Variants in TRIM25 observed in about 807,000 individuals in gnomAD.
The protein encoded by TRIM25 is tripartite motif containing 25.
A neutral mutation model predicts 65.2 loss-of-function variants in TRIM25; 45 were observed. The ratio of observed to expected loss-of-function variants is 0.69; its 90% CI spans 0.54 to 0.89. The LOEUF (loss-of-function observed/expected upper bound fraction) is 0.89, where lower values mean the gene tolerates loss of function less well. Among genes scored for constraint, TRIM25 ranks in the 40% least tolerant of loss-of-function variants. The pLI, the probability that TRIM25 is intolerant of heterozygous loss-of-function variation, is 0.00. For synonymous variants in TRIM25, 321 were observed against 340.4 expected (o/e 0.94, Z 0.63); for missense variants, 714 against 803.7 (o/e 0.89, Z 1.35).
chr17:56,891,578 CCT>C lies in TRIM25; in HGVS notation c.*120_*121del. 1.9e-6 allele frequency: 2 copies of C among 1,072,898 alleles called. No individual in the cohort carries two copies. The highest frequency in any genetic ancestry group is 1.6e-5 in the African/African-American group (1 of 62,604). The allele number at this position is 1,072,898 out of a possible 1,614,324, so 66.5% of individuals were successfully genotyped here. The stretch of plus-strand genomic sequence containing the variant: ...CACCTCCCACCCTCCCGCCAGCTCC[CCT>C]CCCATGCTCCCAATCCTTGGGACCT... On this transcript the variant is annotated 3_prime_UTR_variant, in exon 9 of 9. Coordinates refer to ENST00000316881, the MANE Select transcript of TRIM25 (RefSeq NM_005082.5).
chr17:56,910,682 G>A lies in TRIM25; in HGVS notation c.598-2119C>T, dbSNP rs373446509. Among the ~76,000 whole-genome samples, 9 of 152,308 alleles carry A rather than the reference G, an allele frequency of 5.9e-5. 1 individual carries two copies. Among genetic ancestry groups the A allele is most frequent in the East Asian group, 1.9e-4 (1 of 5,192 alleles). ...AAGTGACCCAAAAACTTTGGTAGCA[G>A]CAATAATCCCCTAATCAAAGGCAAA... On this transcript the variant is annotated intron_variant, in intron 1 of 8. Coordinates refer to ENST00000316881, the MANE Select transcript of TRIM25 (RefSeq NM_005082.5).
intron 2 of TRIM25, 118 bp downstream of exon 2, chr17:56,908,350 C>T (rs192444661): frequency 2.0e-6 from 2 of 980,264 alleles, no homozygotes; most frequent in Middle Eastern, 3.1e-4. Flanking sequence ...GATGTTTCAT[C>T]CTGACACTGT....
rs1021226052 is a variant in TRIM25 at position 56,888,368 on chromosome 17, G to A, written c.*3332C>T. 3 of 152,176 alleles carry A rather than the reference G, an allele frequency of 2.0e-5. No homozygotes were observed. The highest frequency in any genetic ancestry group is 4.4e-5 in the Non-Finnish European group (3 of 68,060). 9.4% of individuals were successfully genotyped at this position (152,176 alleles called of 1,614,324 possible). On this transcript the variant is annotated 3_prime_UTR_variant, in exon 9 of 9. Transcript: ENST00000316881. ...CTGAAAGTCTCCCTCCCAGGAAGCA[G>A]GGACAAAGGCCAGTTCAATTCTTTA... is the stretch of plus-strand genomic sequence containing the variant.
intron 8 of TRIM25, among the ~76,000 whole-genome samples, chr17:56,893,364 A>C (rs1286250385): frequency 6.6e-6 from 1 of 152,182 alleles, no homozygotes. Flanking sequence ...GCTGCCACAG[A>C]GTGCACAGCA....
At chr17:56,900,466 A>C (rs1256234921) in intron 4 of TRIM25, among the ~76,000 whole-genome samples, 1 of 152,220 alleles carries the variant, frequency 6.6e-6, no homozygotes, top group Non-Finnish European at 1.5e-5. Context: ...CCCAAGGAAG[A>C]ATGCGATACT....
chr17:56,910,194 C>T (rs1010333422), intron 1 of TRIM25, among the ~76,000 whole-genome samples: 1 of 152,162 alleles, frequency 6.6e-6, no homozygotes, highest in Non-Finnish European at 1.5e-5. Context: ...CTAGCAGGCT[C>T]AACATACTCT....
chr17:56,893,817 C>T (rs551776393), intron 8 of TRIM25, among the ~76,000 whole-genome samples: 1 of 152,248 alleles, frequency 6.6e-6, no homozygotes, highest in South Asian at 2.1e-4. Context: ...AGGAGGAATG[C>T]CACTGACAGG....
At position 56,913,971 on chromosome 17, in the gene TRIM25, G is replaced by T. The variant is rs770341513; in HGVS notation, c.18C>A (p.Pro6=). The stretch of plus-strand genomic sequence containing the variant: ...TGGAGCACGACAGCTCCTCGGCCAG[G>T]GGGCACAGCTCTGCCATGGCGCTCC... MAELC[P]LAEELSCSIC... Residue 6 remains proline, a synonymous_variant, in exon 1 of 9, where the codon CCC becomes CCA. Transcript: ENST00000316881. This position sits in a 1 kb window ranked among gnomAD's most constrained non-coding sequence, Gnocchi z 6.1. The T allele has an allele frequency of 5.7e-6, 9 of 1,573,192 alleles. No individual in the cohort carries two copies. The highest frequency in any genetic ancestry group is 4.6e-5 in the South Asian group (4 of 86,736).
Position 56,913,681 on chromosome 17 carries a change from G to A in TRIM25, c.308C>T (p.Ala103Val). 6.3e-7 allele frequency: 1 copy of A among 1,592,564 alleles called. No homozygotes were observed. ...CAGGCAGTGGTCGCAGGCCACCTGG[G>A]CATTCGGGCTGGGTGCAGAGGCGCG... ...PARASAPSPN[A>V]QVACDHCLKE... The change falls in exon 1 of 9, where the codon GCC becomes GTC. Residue 103 changes from alanine (A) to valine (V), a missense_variant. Transcript: ENST00000316881. The surrounding 1 kb of genome is among the most constrained non-coding windows in gnomAD (Gnocchi z 6.1).
rs1909143991 is a variant in TRIM25, at chr17:56,890,431, G to A, written c.*1269C>T. 5.6e-6 allele frequency: 2 copies of A among 358,536 alleles called. No individual in the cohort carries two copies. Among genetic ancestry groups the A allele is most frequent in the African/African-American group, 4.3e-5 (2 of 46,740 alleles). The allele number at this position is 358,536 out of a possible 1,614,324, so 22.2% of individuals were successfully genotyped here. On this transcript the variant is annotated 3_prime_UTR_variant, in exon 9 of 9. Transcript: ENST00000316881. Reference sequence around the variant, plus strand: ...TTATATAATTGGCTTAAATGAGGAAGTCAGTAGAAGGGGCTAGGGCCAGCC... The same window carrying A: ...TTATATAATTGGCTTAAATGAGGAAATCAGTAGAAGGGGCTAGGGCCAGCC...
At chr17:56,909,684 C>CAAA (rs34148848) in intron 1 of TRIM25, among the ~76,000 whole-genome samples, 2 of 124,596 alleles carry the variant, frequency 1.6e-5, no homozygotes, top group Non-Finnish European at 3.3e-5. Context: ...GACCCTGTCT[C>CAAA]AAAAAAAAAA....
rs747508258 is a variant in TRIM25, at chr17:56,904,266, C to T, written c.916G>A (p.Glu306Lys). Residue 306 changes from glutamate (E) to lysine (K), a missense_variant, in exon 3 of 9, where the codon GAG (glutamate) becomes AAG (lysine). By Grantham distance (56) the Glu-to-Lys change is moderately conservative. This residue lies in a region of TRIM25 where 413 missense variants were observed against 498.2 expected (regional missense o/e 0.83). Coordinates refer to ENST00000316881, the MANE Select transcript of TRIM25 (RefSeq NM_005082.5). ...TTGTGGCGACCTACCTCCAGAAACT[C>T]GAACTCATCCCTCTTGGTCAGGCTC... ...EQSLTKRDEF[E>K]FLEKASKLRG... is the part of the protein sequence containing the mutation. The T allele has an allele frequency of 4.3e-6, 7 of 1,612,356 alleles. No individual in the cohort carries two copies. Among genetic ancestry groups the T allele is most frequent in the African/African-American group, 2.7e-5 (2 of 74,708 alleles).
intron 6 of TRIM25, 146 bp downstream of exon 6, chr17:56,895,780 G>A: frequency 8.1e-7 from 1 of 1,229,558 alleles, no homozygotes; most frequent in South Asian, 1.5e-5. Context: ...CTCCCCTCCA[G>A]CCTCAGGCCT....
At chr17:56,900,200 C>T (rs975802797) in intron 4 of TRIM25, among the ~76,000 whole-genome samples, 3 of 150,124 alleles carry the variant, frequency 2.0e-5, no homozygotes, top group East Asian at 3.9e-4. Context: ...GGTGACAGAG[C>T]GAGACTCCGT....
At position 56,889,526 on chromosome 17, in the gene TRIM25, A is replaced by AC; in HGVS notation, c.*2173dup. 2 of 381,462 alleles carry AC rather than the reference A, an allele frequency of 5.2e-6. No homozygotes were observed. The allele number at this position is 381,462 out of a possible 1,614,324, so 23.6% of individuals were successfully genotyped here. A position where few individuals can be genotyped will look rare whatever the true frequency, so the allele number is the denominator to read the frequency against. ...ACCATTGCAAACAGAATGGTTCAAG[A>AC]CAGCAAGGATGCACTCCTCAATTTA... is the stretch of plus-strand genomic sequence containing the variant. On this transcript the variant is annotated 3_prime_UTR_variant, in exon 9 of 9. Transcript: ENST00000316881.
chr17:56,904,203 CA>C, intron 3 of TRIM25, 51 bp downstream of exon 3: 7 of 1,465,394 alleles, frequency 4.8e-6, no homozygotes, highest in East Asian at 2.3e-5. Context: ...AACAGCATGA[CA>C]TCAGGCAAAA....
intron 2 of TRIM25, 108 bp downstream of exon 2, chr17:56,908,360 T>G (rs1909560243): frequency 9.7e-7 from 1 of 1,035,194 alleles, no homozygotes; most frequent in Non-Finnish European, 1.5e-6. Flanking sequence ...CCTGACACTG[T>G]GAGTGCACCC....
chr17:56,909,684 C>A (rs373058241), intron 1 of TRIM25, among the ~76,000 whole-genome samples: 708 of 124,286 alleles, frequency 5.7e-3, no homozygotes, highest in Middle Eastern at 8.5e-3. Context: ...GACCCTGTCT[C>A]AAAAAAAAAA....
rs866365462 is a variant in TRIM25 at position 56,889,447 on chromosome 17, C to G, written c.*2253G>C. ...GATGGATACAAAGGTTCCTCCAACTCTAGGACTCCAGGGTTGTGTGGCGGC... is the reference window on the plus strand; with the variant it reads ...GATGGATACAAAGGTTCCTCCAACTGTAGGACTCCAGGGTTGTGTGGCGGC... On this transcript the variant is annotated 3_prime_UTR_variant, in exon 9 of 9. Coordinates refer to ENST00000316881, the MANE Select transcript of TRIM25 (RefSeq NM_005082.5). 119 of 278,716 alleles carry G rather than the reference C, an allele frequency of 4.3e-4. No homozygotes were observed. The highest frequency in any genetic ancestry group is 2.3e-3 in the African/African-American group (104 of 46,186). The allele number at this position is 278,716 out of a possible 1,614,324, so 17.3% of individuals were successfully genotyped here.
Sources: gnomAD v4.1 joint callset for allele counts (sites outside exome capture counted in the v4.1 genomes callset) on GRCh38, gnomAD v4.1.1 for gene constraint, gnomAD v4.1.1 regional missense constraint, Gnocchi (gnomAD v3.1) non-coding constraint, MANE v1.5 for transcripts, NCBI Gene and HGNC (gene_info 2026-07-23, HGNC 2026-07-21) for gene names.